Variants in PTPRM observed in about 807,000 individuals in gnomAD.
PTPRM encodes protein tyrosine phosphatase receptor type M.
Under a neutral mutation model 186.7 loss-of-function variants are expected in PTPRM, and 47 were observed. The observed-to-expected ratio is 0.25, with a 90% CI of 0.20 to 0.32. The LOEUF is 0.32. Among genes scored for constraint, PTPRM ranks in the 10% least tolerant of loss-of-function variants. The pLI is 1.00. For missense variants in PTPRM, 1,494 were observed against 1,865.0 expected, an observed-to-expected ratio of 0.80 and a Z score of 3.66; for synonymous variants, 668 against 674.9, an observed-to-expected ratio of 0.99 and a Z score of 0.16.
At chr18:7,702,148 CAT>C (rs1319921805) in intron 1 of PTPRM, among the ~76,000 whole-genome samples, 16 of 151,962 alleles carry the variant, frequency 1.1e-4, no homozygotes, top group East Asian at 1.9e-4. Context: ...GAACAGTAAA[CAT>C]ATGTGTGCAT....
chr18:8,005,534 G>A (rs2084127575), intron 7 of PTPRM, among the ~76,000 whole-genome samples: 1 of 152,104 alleles, frequency 6.6e-6, no homozygotes, highest in Non-Finnish European at 1.5e-5. Context: ...TTTACAGATG[G>A]GTAAACTGTG....
At chr18:7,839,628 T>G (rs950289406) in intron 2 of PTPRM, among the ~76,000 whole-genome samples, 3 of 152,158 alleles carry the variant, frequency 2.0e-5, no homozygotes, top group African/African-American at 7.2e-5. Context: ...GGGTCTCTGT[T>G]GGAGCCACAA....
At chr18:7,659,236 CCTG>C (rs2038924890) in intron 1 of PTPRM, among the ~76,000 whole-genome samples, 1 of 151,924 alleles carries the variant, frequency 6.6e-6, no homozygotes, top group African/African-American at 2.4e-5. Context: ...TCGTTTGTCT[CCTG>C]CTACTAGTAT....
At chr18:7,980,683 C>T (rs560800054) in intron 7 of PTPRM, among the ~76,000 whole-genome samples, 1 of 152,258 alleles carries the variant, frequency 6.6e-6, no homozygotes, top group South Asian at 2.1e-4. Context: ...TGTGTCCAGC[C>T]ATCAGAGGTC....
rs370746043 is a variant in PTPRM, at chr18:7,842,947, T to TATATATATATATAGAGAGAG, written c.197-45158_197-45157insTATATATATATAGAGAGAGA. ...GTGTGTGTGTATATATATATATATA[T>TATATATATATATAGAGAGAG]AGAGAGAGAGAGAGAGAGAGAGAGA... On this transcript the variant is annotated intron_variant, in intron 2 of 32. Coordinates refer to ENST00000580170, the MANE Select transcript of PTPRM (RefSeq NM_001105244.2). 1.1e-3 allele frequency among the ~76,000 whole-genome samples: 125 copies of TATATATATATATAGAGAGAG among 112,082 alleles called. 1 individual carries two copies. The highest frequency in any genetic ancestry group is 4.8e-3 in the African/African-American group (114 of 23,754). 73.5% of individuals were successfully genotyped at this position (112,082 alleles called of 152,430 possible).
chr18:7,849,480 A>G (rs1272046904), intron 2 of PTPRM, among the ~76,000 whole-genome samples: 2 of 152,224 alleles, frequency 1.3e-5, no homozygotes, highest in African/African-American at 2.4e-5. Context: ...TAAAAAATAG[A>G]TGTTAACTCT....
At chr18:7,920,628 G>T (rs2146723537) in intron 4 of PTPRM, among the ~76,000 whole-genome samples, 1 of 152,216 alleles carries the variant, frequency 6.6e-6, no homozygotes. Context: ...CGAATAGATT[G>T]CACACCACAG....
At chr18:7,860,513 C>T (rs1296263403) in intron 2 of PTPRM, among the ~76,000 whole-genome samples, 1 of 152,136 alleles carries the variant, frequency 6.6e-6, no homozygotes, top group African/African-American at 2.4e-5. Flanking sequence ...GGCAAAGCAC[C>T]TGCTGGTATA....
At chr18:7,888,455 A>C in intron 3 of PTPRM, 78 bp downstream of exon 3, 1 of 1,433,668 alleles carries the variant, frequency 7.0e-7, no homozygotes. Context: ...ATATCATTAT[A>C]ATCAGAAAAG....
In PTPRM at chr18:7,987,556, C is replaced by A. The variant is rs149700791; in HGVS notation, c.1132+32142C>A. On this transcript the variant is annotated intron_variant, in intron 7 of 32. Coordinates refer to ENST00000580170, the MANE Select transcript of PTPRM (RefSeq NM_001105244.2). ...GAGTGGAGACAAACCTACAGCAAAC[C>A]GATCTCTGTTATTCTCACAGGGATA... Among the ~76,000 whole-genome samples the A allele has an allele frequency of 8.2e-3, 1,246 of 152,164 alleles. 7 individuals are homozygous for A. The highest frequency in any genetic ancestry group is 0.033 in the South Asian group (160 of 4,812).
chr18:8,059,051 G>C (rs2088259152), intron 7 of PTPRM, among the ~76,000 whole-genome samples: 1 of 140,348 alleles, frequency 7.1e-6, no homozygotes, highest in Non-Finnish European at 1.5e-5. Context: ...GGGCAGTATG[G>C]CCATTTTCAC....
intron 19 of PTPRM, among the ~76,000 whole-genome samples, chr18:8,259,246 G>A (rs1031620749): frequency 2.6e-5 from 4 of 152,116 alleles, no homozygotes; most frequent in African/African-American, 9.7e-5. Context: ...GCTGTGCTCG[G>A]CCCCACCTAC....
At chr18:8,273,123 C>A (rs114757331) in intron 19 of PTPRM, among the ~76,000 whole-genome samples, 194 of 152,250 alleles carry the variant, frequency 1.3e-3, no homozygotes, top group African/African-American at 4.6e-3. Flanking sequence ...GTATTTCAAT[C>A]AAGTCTCACA....
At chr18:8,228,008 T>C (rs2094235978) in intron 14 of PTPRM, among the ~76,000 whole-genome samples, 1 of 152,228 alleles carries the variant, frequency 6.6e-6, no homozygotes, top group African/African-American at 2.4e-5. Context: ...GGATGACAGA[T>C]ACTACATCTA....
intron 7 of PTPRM, among the ~76,000 whole-genome samples, chr18:7,991,344 CTAT>C (rs950490573): frequency 4.6e-5 from 7 of 151,630 alleles, no homozygotes; most frequent in Admixed American, 1.3e-4. Context: ...GTCAATGGAA[CTAT>C]TATTATTTGT....
At chr18:8,092,468 T>C (rs2090790397) in intron 11 of PTPRM, among the ~76,000 whole-genome samples, 1 of 152,188 alleles carries the variant, frequency 6.6e-6, no homozygotes, top group Non-Finnish European at 1.5e-5. Context: ...GGCTAGAGTA[T>C]AGTGGTGCAA....
intron 1 of PTPRM, among the ~76,000 whole-genome samples, chr18:7,678,304 A>G (rs2039396941): frequency 1.3e-5 from 2 of 152,054 alleles, no homozygotes; most frequent in African/African-American, 2.4e-5. Flanking sequence ...GTTGACACCT[A>G]TTTCTCCAGC....
chr18:8,221,289 C>T (rs1317305004), intron 14 of PTPRM, among the ~76,000 whole-genome samples: 2 of 152,144 alleles, frequency 1.3e-5, no homozygotes, highest in Admixed American at 6.5e-5. Flanking sequence ...TTTCACATGC[C>T]GTCTATCCCA....
At chr18:7,645,282 G>A (rs1159193256) in intron 1 of PTPRM, among the ~76,000 whole-genome samples, 1 of 152,150 alleles carries the variant, frequency 6.6e-6, no homozygotes, top group African/African-American at 2.4e-5. Flanking sequence ...TATTAGGGGA[G>A]TAGTTCAGAA....
Sources: gnomAD v4.1 joint callset for allele counts (sites outside exome capture counted in the v4.1 genomes callset) on GRCh38, gnomAD v4.1.1 for gene constraint, MANE v1.5 for transcripts, NCBI Gene and HGNC (gene_info 2026-07-23, HGNC 2026-07-21) for gene names.